MLYCD: variants seen among roughly 807,000 people sequenced by gnomAD.
MLYCD encodes malonyl-CoA decarboxylase, mitochondrial.
MLYCD carries 27 observed loss-of-function variants against 35.8 expected under a neutral mutation model. The observed-to-expected ratio is 0.75, with a 90% confidence interval of 0.56 to 1.04. The LOEUF is 1.04. Among genes scored for constraint, MLYCD ranks in the 50% least tolerant of loss-of-function variants. The pLI, the probability that MLYCD is intolerant of heterozygous loss-of-function variation, is 0.00. For synonymous variants in MLYCD, 403 were observed against 302.4 expected (o/e 1.33, Z -3.45); for missense variants, 917 against 665.1 (o/e 1.38, Z -4.17).
Position 83,907,100 on chromosome 16 carries a change from G to C in MLYCD, c.641+1G>C, listed in dbSNP as rs1907006357. 1 of 1,607,348 alleles carries C rather than the reference G, an allele frequency of 6.2e-7. No homozygotes were observed. The highest frequency in any genetic ancestry group is 1.1e-5 in the South Asian group (1 of 90,952). On this transcript the variant is annotated splice_donor_variant, in intron 2 of 4. Transcript: ENST00000262430. LOFTEE classifies it high-confidence loss of function. ...GTGAAGTGCTTCAGAAAATCAGTGAGTAAGTATTACGGTTTTCATTTTCTT... is the reference window on the plus strand; with the variant it reads ...GTGAAGTGCTTCAGAAAATCAGTGACTAAGTATTACGGTTTTCATTTTCTT...
intron 4 of MLYCD, chr16:83,913,244 G>C (rs528565339): frequency 6.6e-6 from 1 of 152,166 alleles, no homozygotes; most frequent in African/African-American, 2.4e-5. Flanking sequence ...TTACCACGCC[G>C]CCATGTTTCC....
At position 83,906,950 on chromosome 16, in the gene MLYCD, C is replaced by T. The variant is rs1336323515; in HGVS notation, c.529-37C>T. The T allele has an allele frequency of 5.8e-6, 9 of 1,557,302 alleles. No individual in the cohort carries two copies. The Admixed American group carries it at 8.3e-5, about 14-fold the overall frequency. On this transcript the variant is annotated intron_variant, in intron 1 of 4. Transcript: ENST00000262430. ...ACACAGAGATGGGCTTGATCTGTCG[C>T]ACATTGGAGGCCTGGGATTTATCTT... is the stretch of plus-strand genomic sequence containing the variant.
In MLYCD at chr16:83,899,390, C is replaced by G; in HGVS notation, c.246C>G (p.Ala82=). The G allele has an allele frequency of 6.5e-7, 1 of 1,528,324 alleles. No individual in the cohort carries two copies. Among genetic ancestry groups the G allele is most frequent in the African/African-American group, 1.4e-5 (1 of 70,092 alleles). 94.7% of individuals were successfully genotyped at this position (1,528,324 alleles called of 1,614,324 possible). ...TCTACGGTGGGCTGGCCGAGACGGCCCAGCGGGCCGAACTGCTGGGCCGCC... is the reference window on the plus strand; with the variant it reads ...TCTACGGTGGGCTGGCCGAGACGGCGCAGCGGGCCGAACTGCTGGGCCGCC... ...VSFYGGLAET[A]QRAELLGRLA... Residue 82 remains alanine (A), a synonymous_variant, in exon 1 of 5, where the codon GCC becomes GCG. Coordinates refer to ENST00000262430, the MANE Select transcript of MLYCD (RefSeq NM_012213.3).
chr16:83,907,111 G>A lies in MLYCD; in HGVS notation c.641+12G>A, dbSNP rs186425334. The A allele has an allele frequency of 1.8e-5, 29 of 1,594,760 alleles. No individual in the cohort carries two copies. In the East Asian group the frequency reaches 2.7e-4, roughly 15 times the overall value. The stretch of plus-strand genomic sequence containing the variant: ...CAGAAAATCAGTGAGTAAGTATTAC[G>A]GTTTTCATTTTCTTTGTACATACAT... On this transcript the variant is annotated intron_variant, in intron 2 of 4. Coordinates refer to ENST00000262430, the MANE Select transcript of MLYCD (RefSeq NM_012213.3).
rs374695219 is a variant in MLYCD, at chr16:83,914,949, T to C, written c.949-7T>C. 1.2e-6 allele frequency: 2 copies of C among 1,614,234 alleles called. No individual in the cohort carries two copies. The highest frequency in any genetic ancestry group is 3.3e-5 in the Admixed American group (2 of 60,036). Reference sequence around the variant, plus strand: ...GCCTTCCTTTCCACCCCAACCATGCTTTACAGAGAGAGTTTCCTCACCTTG... The same window carrying C: ...GCCTTCCTTTCCACCCCAACCATGCCTTACAGAGAGAGTTTCCTCACCTTG... On this transcript the variant is annotated splice_polypyrimidine_tract_variant and splice_region_variant and intron_variant, in intron 4 of 4. Coordinates refer to ENST00000262430, the MANE Select transcript of MLYCD (RefSeq NM_012213.3).
chr16:83,911,906 GTT>G, intron 3 of MLYCD: 1 of 387,492 alleles, frequency 2.6e-6, no homozygotes. Context: ...TATGGAGCAA[GTT>G]TTTGTTTGCA....
At position 83,912,202 on chromosome 16, in the gene MLYCD, C is replaced by T. The variant is rs150789545; in HGVS notation, c.799-16C>T. 7,350 of 1,614,162 alleles carry T rather than the reference C, an allele frequency of 4.6e-3. 23 individuals are homozygous for T. Among genetic ancestry groups the T allele is most frequent in the Non-Finnish European group, 5.4e-3 (6,377 of 1,180,014 alleles). The stretch of plus-strand genomic sequence containing the variant: ...GCGGCCAGGCCACCCTTAGAACCAT[C>T]GTTGGTGTTTTCCAGGCAATCGTGA... On this transcript the variant is annotated splice_polypyrimidine_tract_variant and intron_variant, in intron 3 of 4. Transcript: ENST00000262430.
rs758579075 is a variant in MLYCD, at chr16:83,915,000, A to G, written c.993A>G (p.Ile331Met). 6.2e-7 allele frequency: 1 copy of G among 1,614,192 alleles called. No individual in the cohort carries two copies. The highest frequency in any genetic ancestry group is 1.7e-5 in the Admixed American group (1 of 60,014). ...HLGVFSSLSP[I>M]PGFTKWLLGL... ...GGGTGTTTTCAAGTCTGTCACCTAT[A>G]CCTGGTTTCACCAAATGGCTTCTGG... Residue 331 changes from isoleucine to methionine, a missense_variant, in exon 5 of 5, where the codon ATA (isoleucine) becomes ATG (methionine). Coordinates refer to ENST00000262430, the MANE Select transcript of MLYCD (RefSeq NM_012213.3).
chr16:83,912,606 C>G (rs77609042), intron 4 of MLYCD: 1 of 561,456 alleles, frequency 1.8e-6, no homozygotes, highest in East Asian at 3.2e-5. Context: ...GACTGCAAGA[C>G]GCAGTTGTAT....
Position 83,924,289 on chromosome 16 carries a change from C to T in MLYCD, c.*8800C>T, listed in dbSNP as rs1907741278. The T allele has an allele frequency of 6.6e-6, 1 of 152,058 alleles. No homozygotes were observed. The highest frequency in any genetic ancestry group is 1.5e-5 in the Non-Finnish European group (1 of 68,054). 9.4% of individuals were successfully genotyped at this position (152,058 alleles called of 1,614,324 possible). On this transcript the variant is annotated 3_prime_UTR_variant, in exon 5 of 5. Transcript: ENST00000262430. ...GGATCTGGCCCTGTGGTGAGTGCAC[C>T]CAGAGCAGGTGTCTCTCCGGAGCAG...
chr16:83,908,471 C>G lies in MLYCD; in HGVS notation c.798+189C>G, dbSNP rs144234781. On this transcript the variant is annotated intron_variant, in intron 3 of 4. Transcript: ENST00000262430. ...GTGTAGAGCGTAGAAGTGTAACAGG[C>G]AGACAGTTATGGAGCAAGGCGAGCA... is the stretch of plus-strand genomic sequence containing the variant. Among the ~76,000 whole-genome samples the G allele has an allele frequency of 4.7e-4, 71 of 151,540 alleles. No individual in the cohort carries two copies. The East Asian group carries it at 0.013, about 28-fold the overall frequency.
chr16:83,906,900 G>A (rs1017628111), intron 1 of MLYCD, 87 bp from the exon 2 acceptor site: 3 of 1,136,058 alleles, frequency 2.6e-6, no homozygotes, highest in Non-Finnish European at 4.0e-6. Flanking sequence ...GTGCTTGAGT[G>A]TTTTCATTCC....
At position 83,926,753 on chromosome 16, in the gene MLYCD, G is replaced by C. The variant is rs1367220228; in HGVS notation, c.*11264G>C. Reference sequence around the variant, plus strand: ...GGCTCTTTACGGACAGCGCAGGGACGCACTTTGATGCTGAAAATGAGTCTC... The same window carrying C: ...GGCTCTTTACGGACAGCGCAGGGACCCACTTTGATGCTGAAAATGAGTCTC... On this transcript the variant is annotated 3_prime_UTR_variant, in exon 5 of 5. Coordinates refer to ENST00000262430, the MANE Select transcript of MLYCD (RefSeq NM_012213.3). 1 of 152,244 alleles carries C rather than the reference G, an allele frequency of 6.6e-6. No homozygotes were observed. Among genetic ancestry groups the C allele is most frequent in the Non-Finnish European group, 1.5e-5 (1 of 68,048 alleles). The allele number at this position is 152,244 out of a possible 1,614,324, so 9.4% of individuals were successfully genotyped here. A position where few individuals can be genotyped will look rare whatever the true frequency, so the allele number is the denominator to read the frequency against.
At position 83,920,833 on chromosome 16, in the gene MLYCD, A is replaced by G. The variant is rs1907627064; in HGVS notation, c.*5344A>G. The G allele has an allele frequency of 2.0e-5, 3 of 152,248 alleles. No homozygotes were observed. In the East Asian group the frequency reaches 5.8e-4, roughly 29 times the overall value. The allele number at this position is 152,248 out of a possible 1,614,324, so 9.4% of individuals were successfully genotyped here. The stretch of plus-strand genomic sequence containing the variant: ...TGTTTTTATCAAACTTTATCTTTGT[A>G]CTTCTTACAGTGCTTCACATTTAGC... On this transcript the variant is annotated 3_prime_UTR_variant, in exon 5 of 5. Transcript: ENST00000262430.
chr16:83,900,757 AC>A (rs1289077919), intron 1 of MLYCD, among the ~76,000 whole-genome samples: 1 of 151,978 alleles, frequency 6.6e-6, no homozygotes, highest in African/African-American at 2.4e-5. Context: ...AATGATTATG[AC>A]TTGACCCATT....
chr16:83,904,930 C>T (rs992685214), intron 1 of MLYCD, among the ~76,000 whole-genome samples: 12 of 152,170 alleles, frequency 7.9e-5, no homozygotes, highest in African/African-American at 2.9e-4. Flanking sequence ...CCCATGGGGT[C>T]ACACAGAACA....
chr16:83,902,626 C>T (rs554833879), intron 1 of MLYCD, among the ~76,000 whole-genome samples: 1 of 151,952 alleles, frequency 6.6e-6, no homozygotes, highest in East Asian at 1.9e-4. Flanking sequence ...CCACCTCAGC[C>T]TCCTGAGTAG....
Position 83,915,264 on chromosome 16 carries a change from G to T in MLYCD, c.1257G>T (p.Val419=), listed in dbSNP as rs1907335460. 2 of 1,612,320 alleles carry T rather than the reference G, an allele frequency of 1.2e-6. No individual in the cohort carries two copies. The highest frequency in any genetic ancestry group is 2.2e-5 in the South Asian group (2 of 91,072). The change falls in exon 5 of 5, where the codon GTG becomes GTT. Residue 419 remains valine (V), a synonymous_variant. Transcript: ENST00000262430. ...ACCGCGGCTACGCGCTGAACCCCGT[G>T]GCCAACTTCCACCTGCAGAACGGGG... ...EKHRGYALNP[V]ANFHLQNGAV...
Position 83,910,937 on chromosome 16 carries a change from G to A in MLYCD, c.799-1281G>A, listed in dbSNP as rs550989460. ...AAATGCTGAGGATGTTTTCCTCAGG[G>A]CAGATATGCATAGACTCACACATTC... On this transcript the variant is annotated intron_variant, in intron 3 of 4. Coordinates refer to ENST00000262430, the MANE Select transcript of MLYCD (RefSeq NM_012213.3). Among the ~76,000 whole-genome samples the A allele has an allele frequency of 6.6e-5, 10 of 152,264 alleles. No homozygotes were observed. The East Asian group carries it at 1.2e-3, about 18-fold the overall frequency.
Sources: allele counts gnomAD v4.1 joint callset (sites outside exome capture counted in the v4.1 genomes callset), GRCh38; gene constraint gnomAD v4.1.1; transcripts MANE v1.5; gene names NCBI Gene and HGNC (gene_info 2026-07-23, HGNC 2026-07-21).